CTNNA3: variants seen among roughly 807,000 people sequenced by gnomAD.
CTNNA3 encodes the protein catenin alpha 3.
Under a neutral mutation model 95.7 loss-of-function variants are expected in CTNNA3, and 76 were observed. The ratio of observed to expected loss-of-function variants is 0.79; its 90% CI spans 0.66 to 0.96. The LOEUF is 0.96. Among genes scored for constraint, CTNNA3 ranks in the 40% least tolerant of loss-of-function variants. CTNNA3 has a pLI of 0.00. For synonymous variants in CTNNA3, 431 were observed against 374.4 expected, an observed-to-expected ratio of 1.15 and a Z score of -1.74; for missense variants, 1,191 against 1,089.8, an observed-to-expected ratio of 1.09 and a Z score of -1.31.
intron 7 of CTNNA3, among the ~76,000 whole-genome samples, chr10:66,906,512 A>G (rs934761161): frequency 2.0e-5 from 3 of 152,158 alleles, no homozygotes; most frequent in Admixed American, 2.0e-4. Flanking sequence ...TCAAAGGTCC[A>G]CTTCAGAGTG....
intron 7 of CTNNA3, among the ~76,000 whole-genome samples, chr10:67,149,495 A>G (rs902303558): frequency 6.6e-6 from 1 of 152,046 alleles, no homozygotes; most frequent in Non-Finnish European, 1.5e-5. Flanking sequence ...TGAGGCAGGA[A>G]AATGGCGTGA....
At chr10:66,508,825 T>C (rs55638229) in intron 11 of CTNNA3, among the ~76,000 whole-genome samples, 23,181 of 152,196 alleles carry the variant, frequency 0.15, 1,844 homozygotes, top group Non-Finnish European at 0.17. Context: ...TTCGCTCTTA[T>C]GAATAGTGCT....
At chr10:67,534,363 T>C (rs893934269) in intron 4 of CTNNA3, among the ~76,000 whole-genome samples, 3 of 152,014 alleles carry the variant, frequency 2.0e-5, no homozygotes, top group African/African-American at 7.2e-5. Flanking sequence ...TTAAGGTGGG[T>C]AGTGATATCC....
At chr10:66,710,284 G>C (rs963843225) in intron 9 of CTNNA3, among the ~76,000 whole-genome samples, 1 of 151,898 alleles carries the variant, frequency 6.6e-6, no homozygotes, top group South Asian at 2.1e-4. Flanking sequence ...CTTCTATAAG[G>C]GCAATCACAT....
chr10:67,463,473 C>T (rs543721166), intron 5 of CTNNA3, among the ~76,000 whole-genome samples: 5 of 152,218 alleles, frequency 3.3e-5, no homozygotes, highest in Non-Finnish European at 5.9e-5. Context: ...AAAAGGACAT[C>T]GCCTTTCTAG....
chr10:66,877,533 G>T (rs1844672980), intron 7 of CTNNA3, among the ~76,000 whole-genome samples: 1 of 152,088 alleles, frequency 6.6e-6, no homozygotes, highest in East Asian at 1.9e-4. Context: ...ACTGGAGCCA[G>T]GAAAAGTGAC....
In CTNNA3 at chr10:67,390,882, A is replaced by T. The variant is rs1185895519; in HGVS notation, c.579+130960T>A. 4.0e-5 allele frequency among the ~76,000 whole-genome samples: 6 copies of T among 149,488 alleles called. No homozygotes were observed. In the East Asian group the frequency reaches 1.2e-3, roughly 30 times the overall value. ...CCTTCATGCTAAAAACTCTCAATAA[A>T]TTAGGTATTGATGGGACGTATTTCA... On this transcript the variant is annotated intron_variant, in intron 5 of 17. Transcript: ENST00000433211.
At chr10:67,660,895 C>T (rs906626849) in intron 1 of CTNNA3, among the ~76,000 whole-genome samples, 2 of 147,920 alleles carry the variant, frequency 1.4e-5, no homozygotes, top group Non-Finnish European at 3.0e-5. Context: ...CGCGCCACTG[C>T]ACTCCAGCCT....
At chr10:67,645,696 A>G (rs1335248836) in intron 2 of CTNNA3, among the ~76,000 whole-genome samples, 1 of 152,024 alleles carries the variant, frequency 6.6e-6, no homozygotes. Flanking sequence ...TGTATATACA[A>G]AGATGTTCAG....
chr10:67,083,229 A>G (rs778170639), intron 7 of CTNNA3, among the ~76,000 whole-genome samples: 23 of 152,226 alleles, frequency 1.5e-4, no homozygotes, highest in Non-Finnish European at 2.5e-4. Context: ...GTAAAAAGAA[A>G]GTGTCTAAAG....
Position 66,204,159 on chromosome 10 carries a change from T to C in CTNNA3, c.1884+76311A>G, listed in dbSNP as rs148215360. ...ATTCTTCTAAAATAGTTGTTTTAAA[T>C]AAAAGAATGAAAATGAACTACTCAC... On this transcript the variant is annotated intron_variant, in intron 13 of 17. Transcript: ENST00000433211. Among the ~76,000 whole-genome samples the C allele has an allele frequency of 4.5e-3, 684 of 152,250 alleles. 4 individuals are homozygous for C. Among genetic ancestry groups the C allele is most frequent in the African/African-American group, 0.012 (492 of 41,556 alleles).
At chr10:66,913,238 CAAAAAAAA>C (rs1161880781) in intron 7 of CTNNA3, among the ~76,000 whole-genome samples, 9 of 33,534 alleles carry the variant, frequency 2.7e-4, no homozygotes, top group East Asian at 2.2e-3. Flanking sequence ...GACTCCGTCT[CAAAAAAAA>C]AAAAAAAAAA....
Position 66,009,574 on chromosome 10 carries a change from T to G in CTNNA3, c.2160-20777A>C, listed in dbSNP as rs113640528. ...CTTTTCACTCTCGAAAAGAACATCT[T>G]ATAGCCATTTTGAAGACTAATATTT... On this transcript the variant is annotated intron_variant, in intron 15 of 17. Transcript: ENST00000433211. 3.5e-3 allele frequency among the ~76,000 whole-genome samples: 526 copies of G among 152,340 alleles called. 1 individual carries two copies. The highest frequency in any genetic ancestry group is 0.012 in the African/African-American group (504 of 41,570).
At chr10:66,590,339 G>A (rs1471337630) in intron 10 of CTNNA3, among the ~76,000 whole-genome samples, 1 of 152,052 alleles carries the variant, frequency 6.6e-6, no homozygotes, top group Non-Finnish European at 1.5e-5. Context: ...GAAGCCCACT[G>A]CTCTTTCTTG....
At chr10:66,533,881 G>A (rs1841554921) in intron 10 of CTNNA3, among the ~76,000 whole-genome samples, 1 of 151,900 alleles carries the variant, frequency 6.6e-6, no homozygotes, top group Non-Finnish European at 1.5e-5. Flanking sequence ...GACCAGCCTG[G>A]GCAACATAGC....
chr10:67,762,137 A>G (rs1379659355), intron 1 of CTNNA3, among the ~76,000 whole-genome samples: 1 of 149,288 alleles, frequency 6.7e-6, no homozygotes, highest in Non-Finnish European at 1.5e-5. Flanking sequence ...GGGCGGGGGG[A>G]ATCAACAATT....
chr10:67,744,555 A>C (rs1264160880), intron 1 of CTNNA3, among the ~76,000 whole-genome samples: 1 of 151,320 alleles, frequency 6.6e-6, no homozygotes, highest in African/African-American at 2.4e-5. Flanking sequence ...AAACCCTAGA[A>C]GAAAACTTAG....
At chr10:66,953,772 G>T (rs957998097) in intron 7 of CTNNA3, among the ~76,000 whole-genome samples, 2 of 151,296 alleles carry the variant, frequency 1.3e-5, no homozygotes, top group Non-Finnish European at 2.9e-5. Context: ...AATATTAGAT[G>T]ATATAAGTTT....
chr10:65,943,190 A>G (rs184792885), intron 17 of CTNNA3, among the ~76,000 whole-genome samples: 31 of 152,004 alleles, frequency 2.0e-4, no homozygotes, highest in Non-Finnish European at 4.4e-4. Flanking sequence ...CAGCTTCCCA[A>G]GTAGCTGGGA....
Sources: gnomAD v4.1 joint callset for allele counts (sites outside exome capture counted in the v4.1 genomes callset) on GRCh38, gnomAD v4.1.1 for gene constraint, MANE v1.5 for transcripts, NCBI Gene and HGNC (gene_info 2026-07-23, HGNC 2026-07-21) for gene names.